The following PPP6R2 variants were observed in gnomAD, a reference collection of about 807,000 sequenced individuals.
The protein encoded by PPP6R2 is serine/threonine-protein phosphatase 6 regulatory subunit 2.
In PPP6R2, 62 loss-of-function variants were observed where a neutral mutation model predicts 100.2. The observed-to-expected ratio is 0.62, with a 90% CI of 0.50 to 0.76. The LOEUF (loss-of-function observed/expected upper bound fraction) is 0.76. PPP6R2 is among the 30% of genes least tolerant of loss of function. The pLI is 0.00. For missense variants in PPP6R2, 1,142 were observed against 1,276.3 expected (o/e 0.89, Z 1.60); for synonymous variants, 525 against 514.7 (o/e 1.02, Z -0.27).
chr22:50,338,686 TGGTGTGTGTGGTGTGTGTAG>T (rs1249389210), upstream of PPP6R2, among the ~76,000 whole-genome samples: 3 of 140,428 alleles, frequency 2.1e-5, no homozygotes. Flanking sequence ...GTGTAGTATG[TGGTGTGTGTGGTGTGTGTAG>T]GGTGTGTGGT....
chr22:50,347,526 T>C (rs1168587126), intron 1 of PPP6R2, among the ~76,000 whole-genome samples: 2 of 151,996 alleles, frequency 1.3e-5, no homozygotes, highest in African/African-American at 4.8e-5. Flanking sequence ...CCATGCACCG[T>C]ACTGTCCCCC....
rs1228076599 is a variant in PPP6R2 at position 50,431,148 on chromosome 22, T to G, written c.1126-25T>G. 6.4e-7 allele frequency: 1 copy of G among 1,563,370 alleles called. No homozygotes were observed. Among genetic ancestry groups the G allele is most frequent in the South Asian group, 1.1e-5 (1 of 89,886 alleles). On this transcript the variant is annotated intron_variant, in intron 10 of 23. Transcript: ENST00000612753. This position sits in a 1 kb window ranked among gnomAD's most constrained non-coding sequence, Gnocchi z 4.8. ...GGCAGGAGAAAACCGATCTAAGAAC[T>G]GTCTTCTGTCCTCTGTTTACCCAGG... is the stretch of plus-strand genomic sequence containing the variant.
rs971505633 is a variant in PPP6R2 at position 50,422,967 on chromosome 22, T to A, written c.973-495T>A. On this transcript the variant is annotated intron_variant, in intron 9 of 23. Coordinates refer to ENST00000612753, the MANE Select transcript of PPP6R2 (RefSeq NM_001242898.2). ...GAGGTTTCAGTGAAGAGAAGGTAGG[T>A]GCAGTAGGCTGAGTGTGGGGGATCA... Among the ~76,000 whole-genome samples the A allele has an allele frequency of 5.3e-5, 8 of 152,132 alleles. No individual in the cohort carries two copies. The East Asian group carries it at 1.5e-3, about 29-fold the overall frequency.
chr22:50,368,959 C>T (rs1351516794), intron 1 of PPP6R2, among the ~76,000 whole-genome samples: 5 of 152,160 alleles, frequency 3.3e-5, no homozygotes, highest in African/African-American at 1.2e-4. Flanking sequence ...CATTTCTTGG[C>T]CGGGTGCAGT....
intron 10 of PPP6R2, among the ~76,000 whole-genome samples, chr22:50,429,640 C>T (rs572798744): frequency 1.2e-3 from 182 of 152,308 alleles, no homozygotes; most frequent in African/African-American, 4.3e-3. Flanking sequence ...AGTATTCTCT[C>T]TTAGTTTTTT....
intron 3 of PPP6R2, among the ~76,000 whole-genome samples, chr22:50,406,232 GGA>G (rs557254817): frequency 2.0e-3 from 296 of 147,112 alleles, no homozygotes; most frequent in Non-Finnish European, 3.3e-3. Flanking sequence ...CGAGAGGCCT[GGA>G]GAGAGGTGAG....
intron 22 of PPP6R2, among the ~76,000 whole-genome samples, chr22:50,442,280 C>A (rs930990556): frequency 6.6e-6 from 1 of 152,208 alleles, no homozygotes; most frequent in Admixed American, 6.5e-5. Context: ...CCGGGCATCT[C>A]CCCCAGCCAA....
chr22:50,396,644 A>G (rs2056961549), intron 3 of PPP6R2, among the ~76,000 whole-genome samples: 2 of 152,206 alleles, frequency 1.3e-5, no homozygotes, highest in South Asian at 2.1e-4. Context: ...AGCAGGGGCC[A>G]CGGCAAATAA....
intron 2 of PPP6R2, among the ~76,000 whole-genome samples, chr22:50,386,906 C>T (rs765927460): frequency 3.3e-5 from 5 of 152,080 alleles, no homozygotes; most frequent in Non-Finnish European, 7.3e-5. Flanking sequence ...AAACTGGGGA[C>T]AAGTAGAATG....
At chr22:50,409,575 G>C in intron 4 of PPP6R2, among the ~76,000 whole-genome samples, 1 of 152,014 alleles carries the variant, frequency 6.6e-6, no homozygotes, top group East Asian at 1.9e-4. Context: ...CTGCAGGCGT[G>C]CACCCCCACG....
At chr22:50,357,735 T>G (rs915127021) in intron 1 of PPP6R2, among the ~76,000 whole-genome samples, 2 of 152,000 alleles carry the variant, frequency 1.3e-5, no homozygotes, top group Admixed American at 1.3e-4. Flanking sequence ...GTGATTCTCC[T>G]GCCTCGGCCT....
intron 2 of PPP6R2, among the ~76,000 whole-genome samples, chr22:50,383,510 C>T (rs1339263328): frequency 1.3e-5 from 2 of 152,100 alleles, no homozygotes; most frequent in Non-Finnish European, 2.9e-5. Flanking sequence ...AGGCGGTGGC[C>T]AGGAAGGAAC....
intron 3 of PPP6R2, among the ~76,000 whole-genome samples, chr22:50,397,975 G>A (rs561033134): frequency 2.7e-5 from 4 of 148,632 alleles, no homozygotes; most frequent in Admixed American, 1.3e-4. Flanking sequence ...ATGGGGGCAG[G>A]GGGGCCTGTC....
intron 12 of PPP6R2, 136 bp downstream of exon 12, chr22:50,432,465 C>T (rs1476193091): frequency 3.7e-6 from 3 of 804,786 alleles, no homozygotes; most frequent in African/African-American, 1.7e-5. Flanking sequence ...CGTGGCTCCA[C>T]GTTCTGGGGC....
chr22:50,408,677 C>CT (rs2059330888), intron 4 of PPP6R2, among the ~76,000 whole-genome samples: 1 of 152,200 alleles, frequency 6.6e-6, no homozygotes, highest in Non-Finnish European at 1.5e-5. Flanking sequence ...ATGCATGTAT[C>CT]TCATAATTTG....
intron 8 of PPP6R2, among the ~76,000 whole-genome samples, chr22:50,421,826 C>G (rs777860391): frequency 6.6e-6 from 1 of 152,046 alleles, no homozygotes; most frequent in Non-Finnish European, 1.5e-5. Flanking sequence ...TAAGATCGCA[C>G]CATCGCACTC....
chr22:50,394,865 G>T (rs1030530657), intron 3 of PPP6R2, among the ~76,000 whole-genome samples: 1 of 134,672 alleles, frequency 7.4e-6, no homozygotes, highest in Non-Finnish European at 1.5e-5. Context: ...AGTGAGCTGA[G>T]ATCACACCAC....
chr22:50,339,404 G>GGT (rs1483409553), upstream of PPP6R2, among the ~76,000 whole-genome samples: 1 of 145,010 alleles, frequency 6.9e-6, no homozygotes, highest in Admixed American at 6.9e-5. Flanking sequence ...TGTGGTATGT[G>GGT]GTGTGTGTGT....
chr22:50,393,297 G>A, intron 2 of PPP6R2: 1 of 710,536 alleles, frequency 1.4e-6, no homozygotes, highest in Non-Finnish European at 1.7e-6. Context: ...GAGTGGATGG[G>A]CCGGGTGGCT....
Sources: allele counts gnomAD v4.1 joint callset (sites outside exome capture counted in the v4.1 genomes callset), GRCh38; gene constraint gnomAD v4.1.1; non-coding constraint Gnocchi (gnomAD v3.1); transcripts MANE v1.5; gene names NCBI Gene and HGNC (gene_info 2026-07-23, HGNC 2026-07-21).